Variants in PIEZO2 observed in about 807,000 individuals in gnomAD.
PIEZO2 encodes piezo-type mechanosensitive ion channel component 2.
Under a neutral mutation model 337.3 loss-of-function variants are expected in PIEZO2, and 172 were observed. The ratio of observed to expected loss-of-function variants is 0.51; its 90% CI spans 0.45 to 0.58. PIEZO2 has a LOEUF of 0.58. Among genes scored for constraint, PIEZO2 ranks in the 20% least tolerant of loss-of-function variants. The pLI, the probability that PIEZO2 is intolerant of heterozygous loss-of-function variation, is 0.00. For missense variants in PIEZO2, 3,028 were observed against 3,391.3 expected (o/e 0.89, Z 2.66); for synonymous variants, 1,251 against 1,228.5 (o/e 1.02, Z -0.38).
chr18:10,707,373 CT>C lies in PIEZO2; in HGVS notation c.5588+901del. Reference sequence around the variant, plus strand: ...TGGCAGGCACATGCCCGCCAGAGGACTTTGTCAAATGGCCAAGGCATTCCCA... The same window carrying C: ...TGGCAGGCACATGCCCGCCAGAGGACTTGTCAAATGGCCAAGGCATTCCCA... On this transcript the variant is annotated intron_variant, in intron 40 of 55. Transcript: ENST00000674853. This position sits in a 1 kb window ranked among gnomAD's most constrained non-coding sequence, Gnocchi z 4.2. 6.6e-6 allele frequency among the ~76,000 whole-genome samples: 1 copy of C among 152,244 alleles called. No individual in the cohort carries two copies. Among genetic ancestry groups the C allele is most frequent in the South Asian group, 2.1e-4 (1 of 4,812 alleles).
chr18:10,689,517 G>T, intron 49 of PIEZO2, 138 bp downstream of exon 49: 1 of 1,139,774 alleles, frequency 8.8e-7, no homozygotes, highest in South Asian at 1.4e-5. Flanking sequence ...TAGTGGGTTG[G>T]AAATCACTGG....
intron 3 of PIEZO2, among the ~76,000 whole-genome samples, chr18:10,944,204 T>C (rs374572582): frequency 2.0e-5 from 3 of 151,892 alleles, no homozygotes; most frequent in Non-Finnish European, 4.4e-5. Context: ...AATCATCAGT[T>C]TGGGCACAAG....
Position 10,697,979 on chromosome 18 carries a change from T to C in PIEZO2, c.6695-99A>G, listed in dbSNP as rs1300292964. ...ACCCAGAGCCCACATGGTGGAGGGA[T>C]AGCTCAGGACTGTTTGGGAGGATGA... On this transcript the variant is annotated intron_variant, in intron 44 of 55. Transcript: ENST00000674853. 184 of 751,460 alleles carry C rather than the reference T, an allele frequency of 2.4e-4. 2 individuals carry two copies. In the South Asian group the frequency reaches 2.9e-3, roughly 12 times the overall value. 46.5% of individuals were successfully genotyped at this position (751,460 alleles called of 1,614,324 possible).
At chr18:10,936,141 C>T (rs2032377958) in intron 3 of PIEZO2, among the ~76,000 whole-genome samples, 1 of 152,180 alleles carries the variant, frequency 6.6e-6, no homozygotes, top group Non-Finnish European at 1.5e-5. Context: ...TGTGAGCTTG[C>T]ATCTGCCTTC....
At position 10,789,352 on chromosome 18, in the gene PIEZO2, T is replaced by C. The variant is rs985185782; in HGVS notation, c.1896A>G (p.Gln632=). ...TGGGCTCTCCTTCCACTTGTATATC[T>C]TGAAGTTCCTCATCTTCAAATAGAA... ...QENEEKDEEL[Q]DIQVEGEPKE... The change falls in exon 15 of 56, where the codon CAA becomes CAG. Residue 632 remains glutamine (Q), a synonymous_variant. Coordinates refer to ENST00000674853, the MANE Select transcript of PIEZO2 (RefSeq NM_001378183.1). 17 of 1,535,856 alleles carry C rather than the reference T, an allele frequency of 1.1e-5. No homozygotes were observed. In the African/African-American group the frequency reaches 2.1e-4, roughly 19 times the overall value.
rs141329226 is a variant in PIEZO2 at position 10,926,937 on chromosome 18, G to C, written c.287-15709C>G. Among the ~76,000 whole-genome samples the C allele has an allele frequency of 8.6e-4, 131 of 152,310 alleles. 1 individual carries two copies. Among genetic ancestry groups the C allele is most frequent in the African/African-American group, 2.9e-3 (122 of 41,572 alleles). On this transcript the variant is annotated intron_variant, in intron 3 of 55. Transcript: ENST00000674853. ...TGTCCAAGTAACTATGCAGTCTAACGGTGAAACAGACACTTCCTGCCGCAC... is the reference window on the plus strand; with the variant it reads ...TGTCCAAGTAACTATGCAGTCTAACCGTGAAACAGACACTTCCTGCCGCAC...
Position 10,934,479 on chromosome 18 carries a change from G to A in PIEZO2, c.287-23251C>T, listed in dbSNP as rs138210096. On this transcript the variant is annotated intron_variant, in intron 3 of 55. Coordinates refer to ENST00000674853, the MANE Select transcript of PIEZO2 (RefSeq NM_001378183.1). The stretch of plus-strand genomic sequence containing the variant: ...GGGGCTTTTACAATACCACTCCCCC[G>A]CAAGTCAGGTAGAAAACCCATTTTC... Among the ~76,000 whole-genome samples the A allele has an allele frequency of 9.2e-5, 14 of 152,224 alleles. No individual in the cohort carries two copies. The East Asian group carries it at 1.7e-3, about 19-fold the overall frequency.
chr18:11,030,918 T>C (rs1447789271), intron 2 of PIEZO2, among the ~76,000 whole-genome samples: 1 of 152,236 alleles, frequency 6.6e-6, no homozygotes, highest in Admixed American at 6.5e-5. Context: ...TGTATTTATA[T>C]GATTAGATTA....
At chr18:10,785,359 C>A (rs1006215922) in intron 16 of PIEZO2, among the ~76,000 whole-genome samples, 1 of 152,178 alleles carries the variant, frequency 6.6e-6, no homozygotes, top group Admixed American at 6.5e-5. Flanking sequence ...TGCTTTCCCC[C>A]TAGGGAAATC....
intron 54 of PIEZO2, among the ~76,000 whole-genome samples, chr18:10,674,460 G>T (rs928171522): frequency 2.0e-5 from 3 of 152,260 alleles, no homozygotes; most frequent in Non-Finnish European, 2.9e-5. Flanking sequence ...CCGGCCTTTT[G>T]CCCATCCCCA....
At chr18:11,025,531 G>A (rs1262609320) in intron 2 of PIEZO2, among the ~76,000 whole-genome samples, 1 of 151,726 alleles carries the variant, frequency 6.6e-6, no homozygotes, top group East Asian at 1.9e-4. Context: ...GTGCACTAGC[G>A]ATCCCATTCC....
At chr18:10,678,393 G>A (rs2143463210) in intron 52 of PIEZO2, among the ~76,000 whole-genome samples, 1 of 152,300 alleles carries the variant, frequency 6.6e-6, no homozygotes. Context: ...CTTAAAAGGA[G>A]AAAATGGGAT....
At chr18:11,061,577 T>C (rs889403977) in intron 2 of PIEZO2, among the ~76,000 whole-genome samples, 4 of 152,114 alleles carry the variant, frequency 2.6e-5, no homozygotes, top group African/African-American at 9.7e-5. Flanking sequence ...ACAAAATCAA[T>C]GTACAAAAAT....
chr18:11,075,810 A>G (rs1335740231), intron 1 of PIEZO2, among the ~76,000 whole-genome samples: 2 of 136,582 alleles, frequency 1.5e-5, no homozygotes, highest in East Asian at 2.1e-4. Context: ...TTTTTTTGAG[A>G]CAGAGTCTCG....
At chr18:10,989,052 C>G (rs537585952) in intron 2 of PIEZO2, among the ~76,000 whole-genome samples, 2 of 152,002 alleles carry the variant, frequency 1.3e-5, no homozygotes, top group Admixed American at 6.6e-5. Context: ...GTATTGTACA[C>G]TTAAAATTGC....
intron 43 of PIEZO2, among the ~76,000 whole-genome samples, chr18:10,700,943 T>C (rs1301540426): frequency 6.6e-6 from 1 of 152,162 alleles, no homozygotes; most frequent in Non-Finnish European, 1.5e-5. Context: ...TGCAAAGTGA[T>C]GGAAGCTAGA....
intron 1 of PIEZO2, among the ~76,000 whole-genome samples, chr18:11,074,447 A>G (rs1275080590): frequency 6.6e-6 from 1 of 152,158 alleles, no homozygotes; most frequent in Non-Finnish European, 1.5e-5. Flanking sequence ...TAACCATCCA[A>G]AATTATACAA....
intron 3 of PIEZO2, among the ~76,000 whole-genome samples, chr18:10,933,514 C>T (rs1568213475): frequency 6.6e-6 from 1 of 152,100 alleles, no homozygotes; most frequent in African/African-American, 2.4e-5. Context: ...CACAGAGTCC[C>T]GCTACCGTGG....
At position 10,682,375 on chromosome 18, in the gene PIEZO2, T is replaced by C; in HGVS notation, c.7498-83A>G. ...AGCGGGATTGGGGGAGAGCGAGTGCTCTTCCTGTGGTGCTGGGAACATGGA... is the reference window on the plus strand; with the variant it reads ...AGCGGGATTGGGGGAGAGCGAGTGCCCTTCCTGTGGTGCTGGGAACATGGA... On this transcript the variant is annotated intron_variant, in intron 49 of 55. Transcript: ENST00000674853. This position sits in a 1 kb window ranked among gnomAD's most constrained non-coding sequence, Gnocchi z 5.6. 3.2e-6 allele frequency: 4 copies of C among 1,239,956 alleles called. No individual in the cohort carries two copies. Among genetic ancestry groups the C allele is most frequent in the Non-Finnish European group, 4.4e-6 (4 of 904,942 alleles). The allele number at this position is 1,239,956 out of a possible 1,614,324, so 76.8% of individuals were successfully genotyped here.
Sources: allele counts gnomAD v4.1 joint callset (sites outside exome capture counted in the v4.1 genomes callset), GRCh38; gene constraint gnomAD v4.1.1; non-coding constraint Gnocchi (gnomAD v3.1); transcripts MANE v1.5; gene names NCBI Gene and HGNC (gene_info 2026-07-23, HGNC 2026-07-21).